The following SLC22A9 variants were observed in gnomAD, a reference collection of about 807,000 sequenced individuals.
SLC22A9 encodes solute carrier family 22 member 9.
A neutral mutation model predicts 50.1 loss-of-function variants in SLC22A9; 64 were observed. The observed-to-expected ratio is 1.28, with a 90% confidence interval of 1.04 to 1.57. The LOEUF is 1.57. Ranked by LOEUF, SLC22A9 falls within the 40% of genes most tolerant of loss-of-function variation. The pLI, the probability that SLC22A9 is intolerant of heterozygous loss-of-function variation, is 0.00. For synonymous variants in SLC22A9, 261 were observed against 242.5 expected (o/e 1.08, Z -0.71); for missense variants, 757 against 676.1 (o/e 1.12, Z -1.33).
At chr11:63,393,460 T>C (rs530250314) in intron 6 of SLC22A9, among the ~76,000 whole-genome samples, 42 of 152,212 alleles carry the variant, frequency 2.8e-4, no homozygotes, top group Non-Finnish European at 5.3e-4. Context: ...ATCAGTAATA[T>C]GCTGAAGAGG....
chr11:63,373,072 C>A lies in SLC22A9; in HGVS notation c.507-572C>A, dbSNP rs191504127. Among the ~76,000 whole-genome samples the A allele has an allele frequency of 6.3e-3, 962 of 152,066 alleles. 4 individuals carry two copies. Among genetic ancestry groups the A allele is most frequent in the Non-Finnish European group, 8.7e-3 (593 of 67,972 alleles). On this transcript the variant is annotated intron_variant, in intron 2 of 9. Transcript: ENST00000279178. ...TTGTTCCAGTTGTCTACAGAGAGGACTCCTTTCCCAGAAAACAGTAAAACA... is the reference window on the plus strand; with the variant it reads ...TTGTTCCAGTTGTCTACAGAGAGGAATCCTTTCCCAGAAAACAGTAAAACA...
At chr11:63,387,251 C>T (rs2014685688) in intron 6 of SLC22A9, among the ~76,000 whole-genome samples, 1 of 151,974 alleles carries the variant, frequency 6.6e-6, no homozygotes, top group Non-Finnish European at 1.5e-5. Flanking sequence ...CCAATTTTTT[C>T]TTGTAGCAGT....
intron 5 of SLC22A9, 61 bp from the exon 6 acceptor site, chr11:63,382,098 G>A (rs903003202): frequency 4.0e-5 from 50 of 1,261,968 alleles, no homozygotes; most frequent in Admixed American, 1.4e-4. Context: ...TGACCAGTGC[G>A]CCTACAGTGC....
At chr11:63,389,290 C>T (rs1006138964) in intron 6 of SLC22A9, among the ~76,000 whole-genome samples, 2 of 151,350 alleles carry the variant, frequency 1.3e-5, no homozygotes, top group African/African-American at 2.4e-5. Flanking sequence ...GGTTTTAAGC[C>T]CCACATGCAT....
intron 6 of SLC22A9, among the ~76,000 whole-genome samples, chr11:63,388,507 A>G (rs1235954385): frequency 6.6e-6 from 1 of 152,118 alleles, no homozygotes; most frequent in Non-Finnish European, 1.5e-5. Context: ...CTATCCTTGC[A>G]TCTGTGGGAT....
chr11:63,374,568 TG>T (rs2014427064), intron 4 of SLC22A9, among the ~76,000 whole-genome samples: 1 of 152,114 alleles, frequency 6.6e-6, no homozygotes, highest in African/African-American at 2.4e-5. Context: ...ACCCATGACA[TG>T]GGGAATAGCA....
chr11:63,371,087 A>G lies in SLC22A9; in HGVS notation c.403-48A>G, dbSNP rs189778033. The G allele has an allele frequency of 1.7e-4, 238 of 1,392,574 alleles. 3 individuals carry two copies. The highest frequency in any genetic ancestry group is 2.7e-5 in the Non-Finnish European group (27 of 985,062). 86.3% of individuals were successfully genotyped at this position (1,392,574 alleles called of 1,614,324 possible). ...CATGCTAAGAAGTTTTGATCAAGTT[A>G]CACTGAGGGGTAATAAGCATTGATG... is the stretch of plus-strand genomic sequence containing the variant. On this transcript the variant is annotated intron_variant, in intron 1 of 9. Transcript: ENST00000279178.
At chr11:63,378,534 CAAAA>C (rs1283762480) in intron 5 of SLC22A9, among the ~76,000 whole-genome samples, 1 of 151,706 alleles carries the variant, frequency 6.6e-6, no homozygotes, top group Non-Finnish European at 1.5e-5. Flanking sequence ...AGTAATTAGA[CAAAA>C]GAAAGAAAAG....
chr11:63,395,778 T>C (rs772112396), intron 6 of SLC22A9, among the ~76,000 whole-genome samples: 63 of 152,270 alleles, frequency 4.1e-4, no homozygotes, highest in Non-Finnish European at 8.4e-4. Flanking sequence ...CTCCCAAGAA[T>C]ATATGCCTTT....
intron 4 of SLC22A9, among the ~76,000 whole-genome samples, chr11:63,375,181 C>A (rs2014439012): frequency 6.6e-6 from 1 of 152,120 alleles, no homozygotes; most frequent in African/African-American, 2.4e-5. Context: ...AGGTAAGTAA[C>A]TTGTTAATAT....
At position 63,373,995 on chromosome 11, in the gene SLC22A9, A is replaced by T; in HGVS notation, c.763A>T (p.Ile255Phe). The change falls in exon 4 of 10, where the codon ATT becomes TTT. Residue 255 changes from isoleucine (I) to phenylalanine (F), a missense_variant. Transcript: ENST00000279178. ...GACCCTGGCAGGCCTGGCTTTTGCCATTCGAGACTGGCATATCCTCCAGCT... is the reference window on the plus strand; with the variant it reads ...GACCCTGGCAGGCCTGGCTTTTGCCTTTCGAGACTGGCATATCCTCCAGCT... Reference protein sequence around the residue: ...FMTLAGLAFAIRDWHILQLVV... With the variant: ...FMTLAGLAFAFRDWHILQLVV... 1 of 1,613,588 alleles carries T rather than the reference A, an allele frequency of 6.2e-7. No homozygotes were observed. Among genetic ancestry groups the T allele is most frequent in the Non-Finnish European group, 8.5e-7 (1 of 1,179,776 alleles).
chr11:63,406,772 C>G, intron 7 of SLC22A9, 61 bp downstream of exon 7: 2 of 1,522,414 alleles, frequency 1.3e-6, no homozygotes, highest in Non-Finnish European at 1.8e-6. Flanking sequence ...AGGGATTGTA[C>G]TTGTCACACC....
rs1319120357 is a variant in SLC22A9, at chr11:63,373,717, C to T, written c.580C>T (p.Pro194Ser). The change falls in exon 3 of 10, where the codon CCC becomes TCC. Residue 194 changes from proline to serine, a missense_variant. By Grantham distance (74) the Pro-to-Ser change is moderately conservative (BLOSUM62 -1). Transcript: ENST00000279178. Reference protein sequence around the residue: ...AIVGTCAALAPTFLIYCSLRF... With the variant: ...AIVGTCAALASTFLIYCSLRF... Reference sequence around the variant, plus strand: ...TGTTGGCACCTGTGCAGCCTTGGCTCCCACCTTCCTCATTTACTGCTCACT... The same window carrying T: ...TGTTGGCACCTGTGCAGCCTTGGCTTCCACCTTCCTCATTTACTGCTCACT... The T allele has an allele frequency of 5.6e-6, 9 of 1,613,196 alleles. No homozygotes were observed. Among genetic ancestry groups the T allele is most frequent in the Admixed American group, 1.7e-5 (1 of 59,880 alleles).
intron 5 of SLC22A9, among the ~76,000 whole-genome samples, chr11:63,378,327 G>C (rs1191993577): frequency 6.6e-6 from 1 of 151,766 alleles, no homozygotes; most frequent in South Asian, 2.1e-4. Context: ...ATTCAACATC[G>C]TTCATATTAC....
At chr11:63,402,579 A>C (rs943291238) in intron 6 of SLC22A9, among the ~76,000 whole-genome samples, 1 of 151,916 alleles carries the variant, frequency 6.6e-6, no homozygotes, top group African/African-American at 2.4e-5. Flanking sequence ...TTTGTTTAGG[A>C]TTGATTTGGC....
rs771371391 is a variant in SLC22A9 at position 63,406,513 on chromosome 11, G to T, written c.1090G>T (p.Ala364Ser). Residue 364 changes from alanine (A) to serine (S), a missense_variant, in exon 7 of 10, where the codon GCC (alanine) becomes TCC (serine). Physicochemically the swap from Ala to Ser is moderately conservative, Grantham distance 99. Coordinates refer to ENST00000279178, the MANE Select transcript of SLC22A9 (RefSeq NM_080866.3). ...LSFTRFANFM[A>S]YFGLNLHVQH... ...TCATCACAGATTTGCAAACTTTATG[G>T]CCTATTTTGGCCTTAATCTCCATGT... The T allele has an allele frequency of 2.5e-6, 4 of 1,613,464 alleles. No homozygotes were observed. The South Asian group carries it at 4.4e-5, about 18-fold the overall frequency.
At chr11:63,396,228 A>C (rs2014853656) in intron 6 of SLC22A9, among the ~76,000 whole-genome samples, 4 of 152,196 alleles carry the variant, frequency 2.6e-5, no homozygotes. Context: ...AGGAGGCTTC[A>C]CATCCAGTTC....
intron 4 of SLC22A9, among the ~76,000 whole-genome samples, chr11:63,375,398 A>G (rs1156681296): frequency 1.3e-5 from 2 of 152,130 alleles, no homozygotes; most frequent in African/African-American, 4.8e-5. Context: ...TCCAAGGTAA[A>G]TTTGCCAAGT....
chr11:63,374,198 A>G (rs900577480), intron 4 of SLC22A9, 136 bp downstream of exon 4: 7 of 763,462 alleles, frequency 9.2e-6, no homozygotes, highest in Non-Finnish European at 1.4e-5. Context: ...CTTGATGTGC[A>G]ATACAAGAAG....
Sources: allele counts gnomAD v4.1 joint callset (sites outside exome capture counted in the v4.1 genomes callset), GRCh38; gene constraint gnomAD v4.1.1; transcripts MANE v1.5; gene names NCBI Gene and HGNC (gene_info 2026-07-23, HGNC 2026-07-21).